The following SLC28A1 variants were observed in gnomAD, a reference collection of about 807,000 sequenced individuals.
The protein encoded by SLC28A1 is sodium/nucleoside cotransporter 1.
In SLC28A1, 64 loss-of-function variants were observed where a neutral mutation model predicts 74.8. The ratio of observed to expected loss-of-function variants is 0.86; its 90% CI spans 0.70 to 1.05. The LOEUF (loss-of-function observed/expected upper bound fraction) is 1.05. Ranked by LOEUF, SLC28A1 falls within the 50% of genes least tolerant of loss-of-function variation. The probability of loss-of-function intolerance (pLI) is 0.00; values close to 1 mark genes in which losing one functional copy is unlikely to be tolerated. For missense variants in SLC28A1, 828 were observed against 822.8 expected (o/e 1.01, Z -0.08); for synonymous variants, 359 against 335.0 (o/e 1.07, Z -0.78).
chr15:84,893,540 C>T (rs530255789), intron 5 of SLC28A1, among the ~76,000 whole-genome samples: 1 of 149,272 alleles, frequency 6.7e-6, no homozygotes, highest in Non-Finnish European at 1.5e-5. Context: ...CCATTTGGAA[C>T]CTCCCTTCAT....
intron 9 of SLC28A1, among the ~76,000 whole-genome samples, chr15:84,912,300 A>T (rs996928212): frequency 6.6e-6 from 1 of 152,198 alleles, no homozygotes; most frequent in Non-Finnish European, 1.5e-5. Context: ...TATGAATCAT[A>T]CAGACCTAGT....
At chr15:84,932,059 T>A (rs564035770) in intron 12 of SLC28A1, among the ~76,000 whole-genome samples, 55 of 152,176 alleles carry the variant, frequency 3.6e-4, no homozygotes, top group African/African-American at 1.3e-3. Flanking sequence ...CCAGGGACAG[T>A]CAATTCATTG....
intron 12 of SLC28A1, among the ~76,000 whole-genome samples, chr15:84,927,231 G>T (rs971524951): frequency 6.6e-6 from 1 of 152,088 alleles, no homozygotes; most frequent in South Asian, 2.1e-4. Context: ...TTTCCCCTAC[G>T]TCCTCTGAAG....
At chr15:84,896,526 T>C (rs868444359) in intron 6 of SLC28A1, among the ~76,000 whole-genome samples, 20 of 152,310 alleles carry the variant, frequency 1.3e-4, no homozygotes, top group African/African-American at 4.6e-4. Flanking sequence ...AGAAAATGGT[T>C]AGGCTGGCCG....
intron 8 of SLC28A1, among the ~76,000 whole-genome samples, chr15:84,906,520 GTTTGTTTGTTTCTTTCTTTCTTTCTTTC>G (rs1468670363): frequency 0.021 from 1,121 of 54,176 alleles, 24 homozygotes; most frequent in Non-Finnish European, 0.025. Context: ...TTGTTTGTTT[GTTTGTTTGTTTCTTTCTTTCTTTCTTTC>G]TTTCTTTCTT....
intron 15 of SLC28A1, among the ~76,000 whole-genome samples, chr15:84,938,028 C>T (rs537415817): frequency 1.3e-5 from 2 of 152,154 alleles, no homozygotes; most frequent in African/African-American, 2.4e-5. Context: ...GGAGAAACCC[C>T]GTCTCTACTA....
rs1442503852 is a variant in SLC28A1, at chr15:84,886,619, T to G, written c.-132-53T>G. On this transcript the variant is annotated intron_variant, in intron 1 of 18. Transcript: ENST00000394573. Reference sequence around the variant, plus strand: ...GTGGCCCTGGCCTCTGGGGAGGCGCTGGGCAGAACTGGGTGGCAGGCCCAA... The same window carrying G: ...GTGGCCCTGGCCTCTGGGGAGGCGCGGGGCAGAACTGGGTGGCAGGCCCAA... The G allele has an allele frequency of 3.0e-6, 3 of 985,358 alleles. No homozygotes were observed. In the African/African-American group the frequency reaches 5.2e-5, roughly 17 times the overall value. The allele number at this position is 985,358 out of a possible 1,614,324, so 61.0% of individuals were successfully genotyped here.
At chr15:84,967,200 G>T in the SLC28A1 span, among the ~76,000 whole-genome samples, 10 of 152,158 alleles carry the variant, frequency 6.6e-5, no homozygotes, top group Admixed American at 5.9e-4. Context: ...TTGGAGATCC[G>T]CTTTGTTACG....
rs1329860080 is a variant in SLC28A1, at chr15:84,908,800, GCT to G, written c.795+6_795+7del. Reference sequence around the variant, plus strand: ...AAGGATGTCTTTGCCTTTCAGGTCAGCTTGACTCAGGGTCCCAGAGGCCTTTA... The same window carrying G: ...AAGGATGTCTTTGCCTTTCAGGTCAGTGACTCAGGGTCCCAGAGGCCTTTA... On this transcript the variant is annotated splice_donor_region_variant and intron_variant, in intron 9 of 18. Transcript: ENST00000394573. The G allele has an allele frequency of 6.2e-7, 1 of 1,612,540 alleles. No homozygotes were observed. The highest frequency in any genetic ancestry group is 8.5e-7 in the Non-Finnish European group (1 of 1,179,326).
chr15:84,931,074 T>G (rs1286541503), intron 12 of SLC28A1, among the ~76,000 whole-genome samples: 1 of 151,730 alleles, frequency 6.6e-6, no homozygotes, highest in African/African-American at 2.4e-5. Flanking sequence ...CCGGCCTAAT[T>G]TTTGTATTCT....
intron 9 of SLC28A1, among the ~76,000 whole-genome samples, chr15:84,914,096 A>G (rs968145520): frequency 1.3e-5 from 2 of 152,148 alleles, no homozygotes; most frequent in East Asian, 3.8e-4. Context: ...CTGCAGGCAC[A>G]TGCCACCATG....
chr15:84,974,477 T>A, the SLC28A1 span, among the ~76,000 whole-genome samples: 2 of 152,168 alleles, frequency 1.3e-5, no homozygotes, highest in African/African-American at 4.8e-5. Flanking sequence ...TCCAATCAAG[T>A]AACGATGCTA....
chr15:84,908,116 T>G (rs1461670474), intron 8 of SLC28A1, among the ~76,000 whole-genome samples: 2 of 151,838 alleles, frequency 1.3e-5, no homozygotes, highest in African/African-American at 4.8e-5. Context: ...CTTCTTCACA[T>G]GTCTCATGGT....
chr15:84,970,111 G>T, the SLC28A1 span, among the ~76,000 whole-genome samples: 1 of 152,212 alleles, frequency 6.6e-6, no homozygotes, highest in South Asian at 2.1e-4. Context: ...ACTTGGGACA[G>T]GGACGCAAGT....
chr15:84,932,492 G>A (rs759377018), intron 12 of SLC28A1, among the ~76,000 whole-genome samples: 4 of 152,298 alleles, frequency 2.6e-5, no homozygotes, highest in Non-Finnish European at 5.9e-5. Context: ...TGTCATAGAG[G>A]CAGATTTCCT....
intron 9 of SLC28A1, among the ~76,000 whole-genome samples, chr15:84,916,321 A>T (rs929738492): frequency 6.8e-5 from 10 of 147,386 alleles, no homozygotes; most frequent in Non-Finnish European, 1.5e-4. Flanking sequence ...GACTTACTGC[A>T]GCCTCGAACT....
chr15:84,886,041 T>C (rs1044572443), intron 1 of SLC28A1: 6 of 588,400 alleles, frequency 1.0e-5, no homozygotes, highest in Non-Finnish European at 1.3e-5. Flanking sequence ...ATTAAAGAGA[T>C]GTTGTGAATC....
At position 84,887,649 on chromosome 15, in the gene SLC28A1, C is replaced by T. The variant is rs887358241; in HGVS notation, c.-16-96C>T. Reference sequence around the variant, plus strand: ...GCTCTGGCTGTGCCAGGCATCTGCTCCCCCCACTCAGTCCTCTCCCCTTTC... The same window carrying T: ...GCTCTGGCTGTGCCAGGCATCTGCTTCCCCCACTCAGTCCTCTCCCCTTTC... On this transcript the variant is annotated intron_variant, in intron 2 of 18. Transcript: ENST00000394573. 17 of 1,554,910 alleles carry T rather than the reference C, an allele frequency of 1.1e-5. No homozygotes were observed. The Admixed American group carries it at 2.1e-4, about 19-fold the overall frequency.
chr15:84,886,426 C>A (rs557833094), intron 1 of SLC28A1: 3 of 985,324 alleles, frequency 3.0e-6, no homozygotes, highest in East Asian at 1.1e-4. Context: ...CTGGAAGAAG[C>A]GGCCCTAATA....
Sources: gnomAD v4.1 joint callset for allele counts (sites outside exome capture counted in the v4.1 genomes callset) on GRCh38, gnomAD v4.1.1 for gene constraint, MANE v1.5 for transcripts, NCBI Gene and HGNC (gene_info 2026-07-23, HGNC 2026-07-21) for gene names.